Variants in NIM1K observed in about 807,000 individuals in gnomAD.
NIM1K encodes serine/threonine-protein kinase NIM1.
In NIM1K, 35 loss-of-function variants were observed where a neutral mutation model predicts 37.1. The observed-to-expected ratio is 0.94, with a 90% CI of 0.72 to 1.25. NIM1K has a LOEUF of 1.25. NIM1K is among the 50% of genes most tolerant of loss of function. The probability of loss-of-function intolerance (pLI) is 0.00; values close to 1 mark genes in which losing one functional copy is unlikely to be tolerated. For missense variants in NIM1K, 564 were observed against 548.0 expected, an observed-to-expected ratio of 1.03 and a Z score of -0.29; for synonymous variants, 234 against 206.6, an observed-to-expected ratio of 1.13 and a Z score of -1.14.
At chr5:43,237,737 A>G (rs2112252000) in intron 1 of NIM1K, among the ~76,000 whole-genome samples, 1 of 152,308 alleles carries the variant, frequency 6.6e-6, no homozygotes, top group South Asian at 2.1e-4. Context: ...TTAAATACCC[A>G]TAGATACACA....
At chr5:43,248,851 CTT>C (rs34309370) in intron 2 of NIM1K, among the ~76,000 whole-genome samples, 49 of 145,904 alleles carry the variant, frequency 3.4e-4, no homozygotes, top group Admixed American at 1.1e-3. Context: ...CTTGCTCAGT[CTT>C]TTTTTTTTTT....
chr5:43,199,230 T>C (rs1751983558), intron 1 of NIM1K, among the ~76,000 whole-genome samples: 1 of 115,126 alleles, frequency 8.7e-6, no homozygotes, highest in South Asian at 2.9e-4. Flanking sequence ...TATATATATA[T>C]ATATATATGA....
At chr5:43,273,872 T>A (rs1447604849) in intron 2 of NIM1K, among the ~76,000 whole-genome samples, 4 of 151,160 alleles carry the variant, frequency 2.6e-5, no homozygotes, top group Non-Finnish European at 5.9e-5. Flanking sequence ...AAGAAGGGAT[T>A]TTTTTTTTAG....
chr5:43,216,442 T>A (rs1220379797), intron 1 of NIM1K, among the ~76,000 whole-genome samples: 8 of 152,256 alleles, frequency 5.3e-5, no homozygotes. Flanking sequence ...TCTCTTGAGA[T>A]GAGTGCGTTT....
intron 1 of NIM1K, among the ~76,000 whole-genome samples, chr5:43,199,583 T>C (rs918223015): frequency 2.0e-5 from 3 of 152,192 alleles, no homozygotes; most frequent in Middle Eastern, 3.2e-3. Context: ...TGAAAGGAGC[T>C]GCTCCAGCTG....
intron 2 of NIM1K, among the ~76,000 whole-genome samples, chr5:43,270,270 G>C (rs1278557146): frequency 6.6e-6 from 1 of 152,220 alleles, no homozygotes; most frequent in Non-Finnish European, 1.5e-5. Flanking sequence ...CCAGTGGGAA[G>C]AGAAAATTGA....
At chr5:43,210,263 G>A (rs188170087) in intron 1 of NIM1K, among the ~76,000 whole-genome samples, 3 of 152,290 alleles carry the variant, frequency 2.0e-5, no homozygotes, top group South Asian at 2.1e-4. Flanking sequence ...CCATTAGATC[G>A]TTGTGGTAAG....
intron 2 of NIM1K, among the ~76,000 whole-genome samples, chr5:43,264,196 G>A (rs1168390610): frequency 1.3e-5 from 2 of 152,124 alleles, no homozygotes; most frequent in Non-Finnish European, 2.9e-5. Context: ...CTGTCTCATT[G>A]ATCTGTCTAA....
At chr5:43,221,734 TTTGA>T (rs1251815687) in intron 1 of NIM1K, among the ~76,000 whole-genome samples, 2 of 152,178 alleles carry the variant, frequency 1.3e-5, no homozygotes, top group African/African-American at 4.8e-5. Context: ...GTTGGCTGCC[TTTGA>T]TTGGTTGAAA....
At chr5:43,237,433 C>T (rs895217787) in intron 1 of NIM1K, among the ~76,000 whole-genome samples, 1 of 152,182 alleles carries the variant, frequency 6.6e-6, no homozygotes, top group Non-Finnish European at 1.5e-5. Flanking sequence ...GGTTGAGTTT[C>T]TAAGCTCTCA....
At chr5:43,243,645 A>AATT (rs1473746674) in intron 1 of NIM1K, among the ~76,000 whole-genome samples, 1 of 152,120 alleles carries the variant, frequency 6.6e-6, no homozygotes, top group Admixed American at 6.5e-5. Flanking sequence ...TCTTCACTCT[A>AATT]ATTAAGGACC....
intron 1 of NIM1K, among the ~76,000 whole-genome samples, chr5:43,243,726 A>T (rs1002465423): frequency 5.9e-5 from 9 of 152,042 alleles, no homozygotes; most frequent in African/African-American, 1.7e-4. Flanking sequence ...CCCAGGCTGG[A>T]GTACAGTGGC....
chr5:43,203,204 G>A (rs2112205634), intron 1 of NIM1K, among the ~76,000 whole-genome samples: 1 of 152,196 alleles, frequency 6.6e-6, no homozygotes, highest in East Asian at 1.9e-4. Flanking sequence ...TACTGCTCTA[G>A]GATTAAATTT....
chr5:43,232,698 C>G, intron 1 of NIM1K: 1 of 1,463,742 alleles, frequency 6.8e-7, no homozygotes, highest in Non-Finnish European at 9.3e-7. Context: ...CGTAATCAAC[C>G]GGGAGTTGTT....
chr5:43,277,435 G>A lies in NIM1K; in HGVS notation c.561+110G>A. 3.5e-6 allele frequency: 4 copies of A among 1,143,636 alleles called. No homozygotes were observed. The South Asian group carries it at 4.5e-5, about 13-fold the overall frequency. The allele number at this position is 1,143,636 out of a possible 1,614,324, so 70.8% of individuals were successfully genotyped here. A position where few individuals can be genotyped will look rare whatever the true frequency, so the allele number is the denominator to read the frequency against. On this transcript the variant is annotated intron_variant, in intron 3 of 3. Transcript: ENST00000326035. ...TCCCAGAGGGCTTTTGTCCTACAAA[G>A]CAGACAGTAGTCCCTTCTGAGAGTC...
intron 1 of NIM1K, among the ~76,000 whole-genome samples, chr5:43,195,529 G>A (rs1751899297): frequency 6.6e-6 from 1 of 152,004 alleles, no homozygotes; most frequent in Non-Finnish European, 1.5e-5. Flanking sequence ...GTGTGGTGGT[G>A]CATGCCTGTA....
At chr5:43,244,196 T>C (rs1240444375) in intron 1 of NIM1K, among the ~76,000 whole-genome samples, 1 of 152,258 alleles carries the variant, frequency 6.6e-6, no homozygotes, top group Non-Finnish European at 1.5e-5. Flanking sequence ...AGGCAGTCTC[T>C]CATGTTTTCA....
intron 2 of NIM1K, among the ~76,000 whole-genome samples, chr5:43,273,918 C>T (rs576118231): frequency 3.2e-4 from 49 of 152,094 alleles, no homozygotes; most frequent in African/African-American, 1.1e-3. Flanking sequence ...TAGTGTTTAT[C>T]TTTTTCACTG....
intron 1 of NIM1K, among the ~76,000 whole-genome samples, chr5:43,201,408 CAAA>C (rs59067037): frequency 2.1e-5 from 3 of 143,908 alleles, no homozygotes; most frequent in Non-Finnish European, 1.5e-5. Flanking sequence ...GACTCCGTCT[CAAA>C]AAAAAAAAAA....
Sources: gnomAD v4.1 joint callset for allele counts (sites outside exome capture counted in the v4.1 genomes callset) on GRCh38, gnomAD v4.1.1 for gene constraint, MANE v1.5 for transcripts, NCBI Gene and HGNC (gene_info 2026-07-23, HGNC 2026-07-21) for gene names.